The following TDP1 variants were observed in gnomAD, a reference collection of about 807,000 sequenced individuals.
The protein encoded by TDP1 is tyrosyl-DNA phosphodiesterase 1.
TDP1 carries 64 observed loss-of-function variants against 81.5 expected under a neutral mutation model. That is an observed-to-expected ratio of 0.79 (90% CI 0.64 to 0.97). TDP1 has a LOEUF of 0.97. TDP1 is among the 50% of genes least tolerant of loss of function. The pLI is 0.00. For missense variants in TDP1, 723 were observed against 743.8 expected (o/e 0.97, Z 0.33); for synonymous variants, 256 against 264.3 (o/e 0.97, Z 0.30).
intron 10 of TDP1, 32 bp downstream of exon 10, chr14:89,985,242 A>T (rs199985779): frequency 2.2e-4 from 293 of 1,310,406 alleles, no homozygotes; most frequent in African/African-American, 1.3e-3. Flanking sequence ...TAACATTTTT[A>T]AAAAATTTAA....
chr14:90,021,216 T>C (rs1431999700), intron 15 of TDP1, among the ~76,000 whole-genome samples: 1 of 152,188 alleles, frequency 6.6e-6, no homozygotes, highest in Non-Finnish European at 1.5e-5. Context: ...CACCAGTCTA[T>C]CCATTCTTTC....
At chr14:90,026,283 T>C (rs1886640032) in intron 15 of TDP1, among the ~76,000 whole-genome samples, 1 of 152,178 alleles carries the variant, frequency 6.6e-6, no homozygotes, top group African/African-American at 2.4e-5. Flanking sequence ...GCCCAGCCCA[T>C]CTGTTATGGG....
chr14:89,971,078 C>T lies in TDP1; in HGVS notation c.660-97C>T, dbSNP rs145291160. 7 of 1,022,586 alleles carry T rather than the reference C, an allele frequency of 6.8e-6. No homozygotes were observed. The African/African-American group carries it at 7.9e-5, about 12-fold the overall frequency. The allele number at this position is 1,022,586 out of a possible 1,614,324, so 63.3% of individuals were successfully genotyped here. On this transcript the variant is annotated intron_variant, in intron 5 of 16. Coordinates refer to ENST00000335725, the MANE Select transcript of TDP1 (RefSeq NM_018319.4). ...CTCGAACTCCTGACCTCAGGTAGTC[C>T]ACCTGCCTCGGCCTCCCAAGGTGCC...
intron 15 of TDP1, among the ~76,000 whole-genome samples, chr14:90,020,119 G>A (rs1330202736): frequency 6.6e-6 from 1 of 152,132 alleles, no homozygotes; most frequent in Non-Finnish European, 1.5e-5. Context: ...CAGAAAGAGT[G>A]GCTGTGTCCA....
intron 5 of TDP1, among the ~76,000 whole-genome samples, chr14:89,969,603 TTTTC>T (rs1319345677): frequency 6.6e-6 from 1 of 152,228 alleles, no homozygotes; most frequent in African/African-American, 2.4e-5. Context: ...ATTATTCTGT[TTTTC>T]TTACCTAATT....
At chr14:89,978,133 G>A (rs181017391) in intron 7 of TDP1, among the ~76,000 whole-genome samples, 210 of 152,204 alleles carry the variant, frequency 1.4e-3, no homozygotes, top group African/African-American at 4.9e-3. Context: ...TTCCCACCAA[G>A]GCCATGTCTC....
At position 90,037,377 on chromosome 14, in the gene TDP1, ATAAAT is replaced by A. The variant is rs550496471; in HGVS notation, c.1753+4165_1753+4169del. Reference sequence around the variant, plus strand: ...ATAAAGCCTATCTTATTTGGACTTAATAAATTGTATGACTCCTTTAAGAAGTAACT... The same window carrying A: ...ATAAAGCCTATCTTATTTGGACTTAATGTATGACTCCTTTAAGAAGTAACT... On this transcript the variant is annotated intron_variant, in intron 16 of 16. Transcript: ENST00000335725. Among the ~76,000 whole-genome samples, 285 of 152,330 alleles carry A rather than the reference ATAAAT, an allele frequency of 1.9e-3. 4 individuals carry two copies. Among genetic ancestry groups the A allele is most frequent in the Admixed American group, 0.018 (268 of 15,294 alleles).
intron 16 of TDP1, among the ~76,000 whole-genome samples, chr14:90,038,902 A>G (rs1385649576): frequency 7.0e-6 from 1 of 142,916 alleles, no homozygotes; most frequent in Non-Finnish European, 1.5e-5. Flanking sequence ...TTCAGAAATG[A>G]AGTTTTTTTT....
chr14:89,968,855 A>T (rs918142970), intron 5 of TDP1, among the ~76,000 whole-genome samples: 1 of 152,218 alleles, frequency 6.6e-6, no homozygotes, highest in South Asian at 2.1e-4. Flanking sequence ...CCCAAAAAAG[A>T]TCTGTTGGAA....
chr14:90,030,318 T>C (rs76346859), intron 15 of TDP1, among the ~76,000 whole-genome samples: 3,211 of 152,348 alleles, frequency 0.021, 106 homozygotes, highest in African/African-American at 0.072. Flanking sequence ...CCTTTGATTA[T>C]GCTGTTCTCA....
At chr14:89,977,587 C>T (rs373875550) in intron 7 of TDP1, among the ~76,000 whole-genome samples, 168 of 152,316 alleles carry the variant, frequency 1.1e-3, no homozygotes, top group African/African-American at 3.8e-3. Flanking sequence ...CGTGAGCCAC[C>T]GCACCTAGCG....
At chr14:90,039,000 A>G (rs1888100177) in intron 16 of TDP1, among the ~76,000 whole-genome samples, 1 of 152,152 alleles carries the variant, frequency 6.6e-6, no homozygotes, top group African/African-American at 2.4e-5. Context: ...GCACAAACAG[A>G]AGGCTAAAAG....
chr14:89,978,217 G>A (rs2140056492), intron 7 of TDP1, among the ~76,000 whole-genome samples: 1 of 152,350 alleles, frequency 6.6e-6, no homozygotes, highest in Middle Eastern at 3.4e-3. Context: ...GTGAAACCAT[G>A]TGTGGTGAAA....
chr14:89,984,737 G>A, intron 9 of TDP1, 54 bp downstream of exon 9: 1 of 1,606,792 alleles, frequency 6.2e-7, no homozygotes, highest in Non-Finnish European at 8.5e-7. Flanking sequence ...TACCTTGGGA[G>A]CCTCATGAGG....
intron 16 of TDP1, among the ~76,000 whole-genome samples, chr14:90,035,565 T>C (rs1275940557): frequency 2.0e-5 from 3 of 152,192 alleles, no homozygotes; most frequent in African/African-American, 7.2e-5. Flanking sequence ...TTACTTTCTC[T>C]AGGTTTTAGT....
At position 89,963,227 on chromosome 14, in the gene TDP1, A is replaced by C; in HGVS notation, c.113A>C (p.Gln38Pro). Residue 38 changes from glutamine to proline, a missense_variant, in exon 3 of 17, where the codon CAA (glutamine) becomes CCA (proline). Coordinates refer to ENST00000335725, the MANE Select transcript of TDP1 (RefSeq NM_018319.4). ...PSTSSLLCARQGAANEPRYTC... is the reference protein window; with the variant it reads ...PSTSSLLCARPGAANEPRYTC... Reference sequence around the variant, plus strand: ...ACCTCTTCTCTTCTCTGTGCCAGGCAAGGAGCAGCAAATGAGCCCAGGTAC... The same window carrying C: ...ACCTCTTCTCTTCTCTGTGCCAGGCCAGGAGCAGCAAATGAGCCCAGGTAC... 6.2e-7 allele frequency: 1 copy of C among 1,614,230 alleles called. No individual in the cohort carries two copies. Among genetic ancestry groups the C allele is most frequent in the Non-Finnish European group, 8.5e-7 (1 of 1,180,030 alleles).
At chr14:90,026,078 A>G (rs1886613371) in intron 15 of TDP1, among the ~76,000 whole-genome samples, 1 of 152,162 alleles carries the variant, frequency 6.6e-6, no homozygotes, top group African/African-American at 2.4e-5. Context: ...GTGGGTTCCA[A>G]AAAGTCAAGT....
chr14:90,003,705 G>A (rs763519031), intron 14 of TDP1, among the ~76,000 whole-genome samples: 7 of 152,182 alleles, frequency 4.6e-5, no homozygotes, highest in Non-Finnish European at 1.0e-4. Flanking sequence ...TGTTAGAGTT[G>A]CCTAGCAACT....
At chr14:90,033,509 C>T in intron 16 of TDP1, 1 of 405,800 alleles carries the variant, frequency 2.5e-6, no homozygotes, top group South Asian at 2.1e-5. Flanking sequence ...TTTAATGCGT[C>T]AAATCTACTG....
Sources: allele counts gnomAD v4.1 joint callset (sites outside exome capture counted in the v4.1 genomes callset), GRCh38; gene constraint gnomAD v4.1.1; transcripts MANE v1.5; gene names NCBI Gene and HGNC (gene_info 2026-07-23, HGNC 2026-07-21).